The following ZFYVE9 variants were observed in gnomAD, a reference collection of about 807,000 sequenced individuals.
ZFYVE9 encodes zinc finger FYVE domain-containing protein 9.
ZFYVE9 carries 43 observed loss-of-function variants against 126.7 expected under a neutral mutation model. The observed-to-expected ratio is 0.34, with a 90% CI of 0.27 to 0.44. ZFYVE9 has a LOEUF of 0.44. Ranked by LOEUF, ZFYVE9 falls within the 20% of genes least tolerant of loss-of-function variation. ZFYVE9 has a pLI of 1.00. For missense variants in ZFYVE9, 1,476 were observed against 1,697.0 expected (o/e 0.87, Z 2.29); for synonymous variants, 521 against 597.4 (o/e 0.87, Z 1.87).
In ZFYVE9 at chr1:52,190,058, G is replaced by T. The variant is rs907828194; in HGVS notation, c.-142-26311G>T. 6 of 160,078 alleles carry T rather than the reference G, an allele frequency of 3.7e-5. No homozygotes were observed. In the South Asian group the frequency reaches 5.2e-4, roughly 14 times the overall value. 9.9% of individuals were successfully genotyped at this position (160,078 alleles called of 1,614,324 possible). A position where few individuals can be genotyped will look rare whatever the true frequency, so the allele number is the denominator to read the frequency against. ...AGTGAGTATATATAGACCTCATTTC[G>T]TAAGCCCAGTATAACACCCGTGATC... On this transcript the variant is annotated intron_variant, in intron 1 of 18. Transcript: ENST00000287727.
At chr1:52,312,317 G>A (rs1404428793) in intron 13 of ZFYVE9, among the ~76,000 whole-genome samples, 1 of 152,104 alleles carries the variant, frequency 6.6e-6, no homozygotes, top group Non-Finnish European at 1.5e-5. Context: ...TAAAGGAATA[G>A]CACAGCATCC....
Position 52,213,053 on chromosome 1 carries a change from T to C in ZFYVE9, c.-142-3316T>C, listed in dbSNP as rs1003584348. Among the ~76,000 whole-genome samples the C allele has an allele frequency of 3.2e-4, 49 of 152,206 alleles. 2 individuals are homozygous for C. The highest frequency in any genetic ancestry group is 1.7e-3 in the Admixed American group (26 of 15,278). Reference sequence around the variant, plus strand: ...TCTTTTGTTCCTTCCAAAAAATGATTCTGTAATGTCAAAAGGCAATGAATA... The same window carrying C: ...TCTTTTGTTCCTTCCAAAAAATGATCCTGTAATGTCAAAAGGCAATGAATA... On this transcript the variant is annotated intron_variant, in intron 1 of 18. Transcript: ENST00000287727.
intron 4 of ZFYVE9, among the ~76,000 whole-genome samples, chr1:52,260,188 G>C (rs576734046): frequency 3.8e-4 from 58 of 151,934 alleles, no homozygotes; most frequent in African/African-American, 1.3e-3. Context: ...ACCACCGTTA[G>C]ATATTATCAG....
At chr1:52,227,077 C>G (rs1419658381) in intron 2 of ZFYVE9, among the ~76,000 whole-genome samples, 1 of 152,224 alleles carries the variant, frequency 6.6e-6, no homozygotes, top group Non-Finnish European at 1.5e-5. Context: ...ACTGATTACA[C>G]TACTCACTAA....
intron 1 of ZFYVE9, among the ~76,000 whole-genome samples, chr1:52,193,707 CAAAAAAAA>C (rs771434275): frequency 7.1e-5 from 4 of 56,428 alleles, no homozygotes; most frequent in Non-Finnish European, 9.8e-5. Flanking sequence ...AACTCTGTCT[CAAAAAAAA>C]AAAAAAAAAA....
In ZFYVE9 at chr1:52,300,863, G is replaced by GT. The variant is rs747924233; in HGVS notation, c.3334-2944dup. 7.9e-3 allele frequency among the ~76,000 whole-genome samples: 1,083 copies of GT among 137,150 alleles called. 3 individuals are homozygous for GT. The highest frequency in any genetic ancestry group is 0.015 in the African/African-American group (555 of 37,798). 90.0% of individuals were successfully genotyped at this position (137,150 alleles called of 152,430 possible). A position where few individuals can be genotyped will look rare whatever the true frequency, so the allele number is the denominator to read the frequency against. On this transcript the variant is annotated intron_variant, in intron 12 of 18. Coordinates refer to ENST00000287727, the MANE Select transcript of ZFYVE9 (RefSeq NM_004799.4). ...TGAGTTTTGTTGTTTAGGTTTTTTGGTTTTTTTTTTTTTTGAGACAGAGTC... is the reference window on the plus strand; with the variant it reads ...TGAGTTTTGTTGTTTAGGTTTTTTGGTTTTTTTTTTTTTTTGAGACAGAGTC...
At chr1:52,291,064 A>G (rs541935790) in intron 10 of ZFYVE9, among the ~76,000 whole-genome samples, 3 of 152,296 alleles carry the variant, frequency 2.0e-5, no homozygotes, top group Non-Finnish European at 2.9e-5. Context: ...TGATATGACA[A>G]TTGTTTTGTT....
rs74080918 is a variant in ZFYVE9 at position 52,243,056 on chromosome 1, G to C, written c.2178+3461G>C. 6.5e-3 allele frequency among the ~76,000 whole-genome samples: 986 copies of C among 152,244 alleles called. 15 individuals carry two copies. Among genetic ancestry groups the C allele is most frequent in the African/African-American group, 0.021 (882 of 41,534 alleles). On this transcript the variant is annotated intron_variant, in intron 4 of 18. Coordinates refer to ENST00000287727, the MANE Select transcript of ZFYVE9 (RefSeq NM_004799.4). ...TGCCTCTGATTTGTCTTTGTATCCA[G>C]CATCCAGCACAAATACCTGGCACCT...
intron 7 of ZFYVE9, among the ~76,000 whole-genome samples, chr1:52,274,079 C>T (rs1409067010): frequency 6.6e-6 from 1 of 152,014 alleles, no homozygotes; most frequent in Admixed American, 6.6e-5. Context: ...AAGTAGTTCC[C>T]AAGGTATTAA....
At chr1:52,299,796 C>G (rs575670649) in intron 12 of ZFYVE9, among the ~76,000 whole-genome samples, 1 of 152,294 alleles carries the variant, frequency 6.6e-6, no homozygotes, top group South Asian at 2.1e-4. Flanking sequence ...GCAATTGGCC[C>G]CCAGGCAGGA....
At chr1:52,257,171 A>G (rs1010597605) in intron 4 of ZFYVE9, among the ~76,000 whole-genome samples, 3 of 152,188 alleles carry the variant, frequency 2.0e-5, no homozygotes, top group Non-Finnish European at 1.5e-5. Context: ...TGTAGTGGGA[A>G]ATTTTAAAAG....
At chr1:52,318,593 G>A (rs1470204806) in intron 13 of ZFYVE9, among the ~76,000 whole-genome samples, 1 of 151,034 alleles carries the variant, frequency 6.6e-6, no homozygotes, top group Non-Finnish European at 1.5e-5. Flanking sequence ...GTAATAAGGG[G>A]AAAAAAAATA....
intron 13 of ZFYVE9, among the ~76,000 whole-genome samples, chr1:52,328,591 G>A (rs1646313037): frequency 6.6e-6 from 1 of 152,138 alleles, no homozygotes; most frequent in South Asian, 2.1e-4. Context: ...CAGAATGTCT[G>A]GATTGAAAAT....
intron 4 of ZFYVE9, among the ~76,000 whole-genome samples, chr1:52,248,543 C>T (rs187485743): frequency 3.3e-4 from 50 of 152,290 alleles, no homozygotes; most frequent in South Asian, 3.1e-3. Context: ...CTAGGCATTC[C>T]TCAATCCAGT....
At position 52,299,657 on chromosome 1, in the gene ZFYVE9, A is replaced by G. The variant is rs75713445; in HGVS notation, c.3333+3680A>G. Among the ~76,000 whole-genome samples the G allele has an allele frequency of 9.1e-3, 1,392 of 152,250 alleles. 65 individuals are homozygous for G. The East Asian group carries it at 0.12, about 13-fold the overall frequency. ...CTGTTCCCTGGGGCAGGGAGGTGCC[A>G]TGTGAGTTCAGTGCCAGGGCTCCCT... On this transcript the variant is annotated intron_variant, in intron 12 of 18. Transcript: ENST00000287727.
rs187683874 is a variant in ZFYVE9, at chr1:52,327,750, G to C, written c.3439-5018G>C. 1.5e-3 allele frequency among the ~76,000 whole-genome samples: 229 copies of C among 152,210 alleles called. 1 individual carries two copies. Among genetic ancestry groups the C allele is most frequent in the South Asian group, 8.7e-3 (42 of 4,820 alleles). ...TCACTTTGGGAGGCCGAGGTGGGTG[G>C]GTCACTTAAGCTCAGGAGTTTGAGA... is the stretch of plus-strand genomic sequence containing the variant. On this transcript the variant is annotated intron_variant, in intron 13 of 18. Transcript: ENST00000287727.
chr1:52,165,465 C>T (rs1009959612), intron 1 of ZFYVE9, among the ~76,000 whole-genome samples: 4 of 152,026 alleles, frequency 2.6e-5, no homozygotes, highest in African/African-American at 9.7e-5. Context: ...TGTGTGTATA[C>T]ATGCATGTGT....
intron 2 of ZFYVE9, among the ~76,000 whole-genome samples, chr1:52,229,016 A>T (rs1645194161): frequency 6.6e-6 from 1 of 151,884 alleles, no homozygotes. Flanking sequence ...CAACCTCTTG[A>T]GTAGCTGCAC....
At chr1:52,304,411 C>CTGTGT in intron 13 of ZFYVE9, among the ~76,000 whole-genome samples, 1 of 151,870 alleles carries the variant, frequency 6.6e-6, no homozygotes, top group East Asian at 1.9e-4. Context: ...TACAGGCACC[C>CTGTGT]GCCACCATGC....
Sources: gnomAD v4.1 joint callset for allele counts (sites outside exome capture counted in the v4.1 genomes callset) on GRCh38, gnomAD v4.1.1 for gene constraint, MANE v1.5 for transcripts, NCBI Gene and HGNC (gene_info 2026-07-23, HGNC 2026-07-21) for gene names.